The following L2HGDH variants were observed in gnomAD, a reference collection of about 807,000 sequenced individuals.
L2HGDH encodes the protein L-2-hydroxyglutarate dehydrogenase, mitochondrial.
A neutral mutation model predicts 51.5 loss-of-function variants in L2HGDH; 34 were observed. That is an observed-to-expected ratio of 0.66 (90% CI 0.50 to 0.88). L2HGDH has a LOEUF of 0.88. Ranked by LOEUF, L2HGDH falls within the 40% of genes least tolerant of loss-of-function variation. The pLI is 0.00. For synonymous variants in L2HGDH, 198 were observed against 197.9 expected (o/e 1.00, Z -0.01); for missense variants, 558 against 571.9 (o/e 0.98, Z 0.25).
At chr14:50,300,943 G>A (rs2139209936) in intron 3 of L2HGDH, among the ~76,000 whole-genome samples, 1 of 152,232 alleles carries the variant, frequency 6.6e-6, no homozygotes, top group East Asian at 1.9e-4. Flanking sequence ...TCCCACCTCA[G>A]CCTCCCAAGT....
intron 4 of L2HGDH, among the ~76,000 whole-genome samples, chr14:50,288,584 C>T (rs1890693901): frequency 6.6e-6 from 1 of 152,204 alleles, no homozygotes; most frequent in African/African-American, 2.4e-5. Flanking sequence ...GCATGCGCCA[C>T]CATGCCCGGC....
intron 5 of L2HGDH, 30 bp from the exon 6 acceptor site, chr14:50,278,584 T>C: frequency 8.2e-7 from 1 of 1,221,066 alleles, no homozygotes; most frequent in South Asian, 1.3e-5. Context: ...GAAAAATTTA[T>C]TTTTAGCAAA....
rs915604573 is a variant in L2HGDH, at chr14:50,287,134, T to C, written c.541-3101A>G. 21 of 956,702 alleles carry C rather than the reference T, an allele frequency of 2.2e-5. 1 individual carries two copies. Among genetic ancestry groups the C allele is most frequent in the South Asian group, 1.9e-4 (4 of 20,754 alleles). The allele number at this position is 956,702 out of a possible 1,614,324, so 59.3% of individuals were successfully genotyped here. A position where few individuals can be genotyped will look rare whatever the true frequency, so the allele number is the denominator to read the frequency against. ...GACACAAAAATATGTGTAATACATA[T>C]AATTTCATTACCTATGCACACATAT... On this transcript the variant is annotated intron_variant, in intron 4 of 9. Coordinates refer to ENST00000267436, the MANE Select transcript of L2HGDH (RefSeq NM_024884.3).
intron 9 of L2HGDH, among the ~76,000 whole-genome samples, chr14:50,262,415 C>T (rs4901006): frequency 0.18 from 26,079 of 144,498 alleles, 2,450 homozygotes; most frequent in East Asian, 0.44. Flanking sequence ...AGCAACAGAC[C>T]GAGACTCTGT....
rs551325694 is a variant in L2HGDH at position 50,244,862 on chromosome 14, C to G, written c.*2196G>C. The G allele has an allele frequency of 5.8e-4, 571 of 985,418 alleles. No homozygotes were observed. The highest frequency in any genetic ancestry group is 6.6e-4 in the Non-Finnish European group (547 of 829,926). The allele number at this position is 985,418 out of a possible 1,614,324, so 61.0% of individuals were successfully genotyped here. On this transcript the variant is annotated 3_prime_UTR_variant, in exon 10 of 10. Transcript: ENST00000267436. ...GAGCTAAGAGGAAAGAAGACATACA[C>G]AGTAGAAGATGAATCCTGAGAGAGC...
chr14:50,269,254 C>A lies in L2HGDH; in HGVS notation c.815G>T (p.Cys272Phe). 6.2e-7 allele frequency: 1 copy of A among 1,613,802 alleles called. No individual in the cohort carries two copies. The highest frequency in any genetic ancestry group is 8.5e-7 in the Non-Finnish European group (1 of 1,179,766). ...TGGTACAATTCGAGGATCAGGAGTG[C>A]AGCCACTCAACTCTGAAATACGGTC... ...YSDRISELSG[C>F]TPDPRIVPFR... is the part of the protein sequence containing the mutation. Residue 272 changes from cysteine (C) to phenylalanine (F), a missense_variant, in exon 7 of 10, where the codon TGC becomes TTC. Cys to Phe is a radical substitution (Grantham distance 205). Transcript: ENST00000267436.
chr14:50,282,194 G>A (rs1236216432), intron 5 of L2HGDH, among the ~76,000 whole-genome samples: 1 of 152,078 alleles, frequency 6.6e-6, no homozygotes, highest in East Asian at 1.9e-4. Flanking sequence ...GGCATCTAGT[G>A]GACAGAAGCC....
chr14:50,272,572 T>C (rs549253355), intron 6 of L2HGDH, among the ~76,000 whole-genome samples: 3 of 152,306 alleles, frequency 2.0e-5, no homozygotes, highest in East Asian at 1.9e-4. Flanking sequence ...TAACCTCCTT[T>C]TGAGAAAGTG....
chr14:50,270,168 T>C (rs1889586920), intron 6 of L2HGDH, among the ~76,000 whole-genome samples: 1 of 152,244 alleles, frequency 6.6e-6, no homozygotes, highest in African/African-American at 2.4e-5. Flanking sequence ...GAGCACACAC[T>C]ACGTTCAACG....
At chr14:50,247,634 C>T (rs1359934089) in intron 9 of L2HGDH, among the ~76,000 whole-genome samples, 4 of 152,076 alleles carry the variant, frequency 2.6e-5, no homozygotes, top group African/African-American at 9.7e-5. Flanking sequence ...CAACAATAAG[C>T]CTCATCTGAG....
chr14:50,286,159 T>A (rs1862241841), intron 4 of L2HGDH, among the ~76,000 whole-genome samples: 2 of 152,008 alleles, frequency 1.3e-5, no homozygotes. Flanking sequence ...CAGGGAAAAT[T>A]GAGAGTAGAT....
At chr14:50,282,239 T>C (rs1038228289) in intron 5 of L2HGDH, among the ~76,000 whole-genome samples, 1 of 152,242 alleles carries the variant, frequency 6.6e-6, no homozygotes, top group South Asian at 2.1e-4. Flanking sequence ...GTGCACCGGA[T>C]AGCCCCCTAC....
At chr14:50,269,398 G>T in intron 6 of L2HGDH, 68 bp from the exon 7 acceptor site, 1 of 1,458,242 alleles carries the variant, frequency 6.9e-7, no homozygotes, top group Non-Finnish European at 9.6e-7. Flanking sequence ...GGGAAAAACA[G>T]GTGATAGAAA....
At chr14:50,289,552 G>A (rs1890754412) in intron 4 of L2HGDH, among the ~76,000 whole-genome samples, 1 of 152,152 alleles carries the variant, frequency 6.6e-6, no homozygotes, top group South Asian at 2.1e-4. Flanking sequence ...TTTAGAAAGA[G>A]CACTCTAATG....
Position 50,242,512 on chromosome 14 carries a change from C to T in L2HGDH, c.*4546G>A, listed in dbSNP as rs1887847421. ...CAATTAACAACATCAACAACAACAA[C>T]AAACCCACAATACTTTCTAGGATTT... On this transcript the variant is annotated 3_prime_UTR_variant, in exon 10 of 10. Transcript: ENST00000267436. 10 of 982,740 alleles carry T rather than the reference C, an allele frequency of 1.0e-5. No homozygotes were observed. The South Asian group carries it at 4.7e-4, about 46-fold the overall frequency. The allele number at this position is 982,740 out of a possible 1,614,324, so 60.9% of individuals were successfully genotyped here.
chr14:50,267,345 G>C (rs2139975578), intron 8 of L2HGDH, among the ~76,000 whole-genome samples: 1 of 151,952 alleles, frequency 6.6e-6, no homozygotes. Context: ...ACCACGCCTA[G>C]CTAATTTTTT....
At chr14:50,256,392 G>A (rs1196408359) in intron 9 of L2HGDH, among the ~76,000 whole-genome samples, 1 of 151,688 alleles carries the variant, frequency 6.6e-6, no homozygotes, top group Non-Finnish European at 1.5e-5. Context: ...CACACCTGTT[G>A]TCCTAGCTAT....
intron 7 of L2HGDH, among the ~76,000 whole-genome samples, chr14:50,268,472 A>T (rs1889478525): frequency 6.6e-6 from 1 of 152,080 alleles, no homozygotes; most frequent in Admixed American, 6.6e-5. Flanking sequence ...GAAAAAAAAA[A>T]GATGAACTGT....
At chr14:50,262,419 ACT>A (rs1359237938) in intron 9 of L2HGDH, among the ~76,000 whole-genome samples, 1 of 128,240 alleles carries the variant, frequency 7.8e-6, no homozygotes, top group Non-Finnish European at 1.7e-5. Context: ...ACAGACCGAG[ACT>A]CTGTCTCAAA....
Sources: allele counts gnomAD v4.1 joint callset (sites outside exome capture counted in the v4.1 genomes callset), GRCh38; gene constraint gnomAD v4.1.1; transcripts MANE v1.5; gene names NCBI Gene and HGNC (gene_info 2026-07-23, HGNC 2026-07-21).